The following FBLN7 variants were observed in gnomAD, a reference collection of about 807,000 sequenced individuals.
FBLN7 encodes the protein fibulin 7.
FBLN7 carries 31 observed loss-of-function variants against 44.0 expected under a neutral mutation model. That is an observed-to-expected ratio of 0.70 (90% CI 0.53 to 0.95). FBLN7 has a LOEUF of 0.95. Among genes scored for constraint, FBLN7 ranks in the 40% least tolerant of loss-of-function variants. FBLN7 has a pLI of 0.00. For synonymous variants in FBLN7, 262 were observed against 253.4 expected (o/e 1.03, Z -0.32); for missense variants, 573 against 618.5 (o/e 0.93, Z 0.78).
Position 112,182,861 on chromosome 2 carries a change from C to T in FBLN7, c.741C>T (p.Thr247=). Reference sequence around the variant, plus strand: ...TCTGCATGCACGCCTGCGTGAACACCCCGGGCTCTTACCGTTGCACCTGCC... The same window carrying T: ...TCTGCATGCACGCCTGCGTGAACACTCCGGGCTCTTACCGTTGCACCTGCC... ...PRLCMHACVN[T]PGSYRCTCPG... The change falls in exon 6 of 8, where the codon ACC becomes ACT. Residue 247 remains threonine, a synonymous_variant. Coordinates refer to ENST00000331203, the MANE Select transcript of FBLN7 (RefSeq NM_153214.3). 6.2e-7 allele frequency: 1 copy of T among 1,613,112 alleles called. No individual in the cohort carries two copies. The highest frequency in any genetic ancestry group is 8.5e-7 in the Non-Finnish European group (1 of 1,179,868).
At chr2:112,170,900 A>C (rs1682424037) in intron 3 of FBLN7, among the ~76,000 whole-genome samples, 1 of 152,228 alleles carries the variant, frequency 6.6e-6, no homozygotes, top group African/African-American at 2.4e-5. Flanking sequence ...TAGAGACAGA[A>C]CTGATGGAAT....
the FBLN7 span, among the ~76,000 whole-genome samples, chr2:112,195,981 A>C: frequency 2.0e-5 from 3 of 152,204 alleles, no homozygotes; most frequent in Admixed American, 1.3e-4. Flanking sequence ...GTGGTGGCTC[A>C]GAAATGGTGC....
intron 1 of FBLN7, among the ~76,000 whole-genome samples, chr2:112,150,956 C>T (rs926699048): frequency 2.6e-5 from 4 of 152,148 alleles, no homozygotes; most frequent in African/African-American, 4.8e-5. Context: ...AGGGTGGCCA[C>T]GAGCTACTCC....
the FBLN7 span, among the ~76,000 whole-genome samples, chr2:112,225,405 G>T: frequency 3.3e-5 from 5 of 152,196 alleles, no homozygotes; most frequent in African/African-American, 9.6e-5. Flanking sequence ...TTGAGCCCAG[G>T]AGTTCAAGGC....
At chr2:112,148,768 G>C (rs1681004219) in intron 1 of FBLN7, among the ~76,000 whole-genome samples, 1 of 152,226 alleles carries the variant, frequency 6.6e-6, no homozygotes, top group African/African-American at 2.4e-5. Flanking sequence ...TGGTGGTTGT[G>C]GTGGTGGTGA....
chr2:112,161,290 TC>T (rs1271406853), intron 2 of FBLN7, among the ~76,000 whole-genome samples: 1 of 152,172 alleles, frequency 6.6e-6, no homozygotes, highest in African/African-American at 2.4e-5. Flanking sequence ...AGTTGAAGTT[TC>T]CTGGGGAAGG....
intron 3 of FBLN7, among the ~76,000 whole-genome samples, 172 bp downstream of exon 3, chr2:112,165,343 G>C (rs1378596497): frequency 6.6e-6 from 1 of 152,180 alleles, no homozygotes; most frequent in Admixed American, 6.5e-5. Flanking sequence ...CCAGGTTGGC[G>C]CTGGTCTCTA....
chr2:112,170,929 G>C (rs557310232), intron 3 of FBLN7, among the ~76,000 whole-genome samples: 5 of 152,306 alleles, frequency 3.3e-5, no homozygotes, highest in African/African-American at 1.2e-4. Flanking sequence ...ATCCCATGTG[G>C]GCTGTGAGCC....
At chr2:112,166,363 T>G (rs778803644) in intron 3 of FBLN7, among the ~76,000 whole-genome samples, 2 of 152,240 alleles carry the variant, frequency 1.3e-5, no homozygotes, top group Non-Finnish European at 2.9e-5. Context: ...GAGAGGACTT[T>G]GGATGCTTAA....
chr2:112,185,128 C>T (rs902712068), intron 6 of FBLN7, 73 bp from the exon 7 acceptor site: 3 of 1,556,416 alleles, frequency 1.9e-6, no homozygotes, highest in Non-Finnish European at 2.6e-6. Context: ...CCTGCAGGGC[C>T]TCTCATGTGG....
the FBLN7 span, among the ~76,000 whole-genome samples, chr2:112,228,523 G>C: frequency 2.0e-5 from 3 of 150,944 alleles, no homozygotes; most frequent in African/African-American, 7.3e-5. Flanking sequence ...AAAAGTGCTG[G>C]GACAATTGGA....
At chr2:112,160,764 GCA>G (rs201436603) in intron 2 of FBLN7, among the ~76,000 whole-genome samples, 3,442 of 38,110 alleles carry the variant, frequency 0.09, 141 homozygotes, top group African/African-American at 0.27. Flanking sequence ...ACACACGCAC[GCA>G]CACGCAGACG....
Position 112,160,692 on chromosome 2 carries a change from GCACACACGCACGCA to G in FBLN7, c.235+865_235+878del, listed in dbSNP as rs1252086046. 2.0e-4 allele frequency among the ~76,000 whole-genome samples: 24 copies of G among 117,362 alleles called. 1 individual carries two copies. Among genetic ancestry groups the G allele is most frequent in the South Asian group, 1.6e-3 (6 of 3,846 alleles). The allele number at this position is 117,362 out of a possible 152,430, so 77.0% of individuals were successfully genotyped here. A position where few individuals can be genotyped will look rare whatever the true frequency, so the allele number is the denominator to read the frequency against. On this transcript the variant is annotated intron_variant, in intron 2 of 7. Coordinates refer to ENST00000331203, the MANE Select transcript of FBLN7 (RefSeq NM_153214.3). ...CACGCACACGCAGACGCACGCACAC[GCACACACGCACGCA>G]CACACACAAGCACGCGCACACGCAC...
chr2:112,222,237 T>A, the FBLN7 span, among the ~76,000 whole-genome samples: 1 of 152,192 alleles, frequency 6.6e-6, no homozygotes. Context: ...AGATAGGTTG[T>A]ATCCTTGCTA....
chr2:112,172,623 CTTTCT>C (rs1682523891), intron 3 of FBLN7, among the ~76,000 whole-genome samples: 2 of 130,000 alleles, frequency 1.5e-5, no homozygotes, highest in Non-Finnish European at 3.3e-5. Context: ...TTTTCTTTTT[CTTTCT>C]TTTTTTTTTT....
In FBLN7 at chr2:112,187,106, C is replaced by CT; in HGVS notation, c.948-27dup. 6.2e-7 allele frequency: 1 copy of CT among 1,607,752 alleles called. No homozygotes were observed. Among genetic ancestry groups the CT allele is most frequent in the Non-Finnish European group, 8.5e-7 (1 of 1,176,248 alleles). On this transcript the variant is annotated intron_variant, in intron 7 of 7. Coordinates refer to ENST00000331203, the MANE Select transcript of FBLN7 (RefSeq NM_153214.3). This position sits in a 1 kb window ranked among gnomAD's most constrained non-coding sequence, Gnocchi z 5.1. ...TCTTCATGAGACTCCCCAAGGCTGA[C>CT]TGCCTCCATTTTGCCTCTCCGCTCC...
the FBLN7 span, among the ~76,000 whole-genome samples, chr2:112,244,028 TA>T: frequency 6.6e-6 from 1 of 151,194 alleles, no homozygotes; most frequent in African/African-American, 2.4e-5. Context: ...AGAAAAAAGA[TA>T]AAAAATAAGA....
chr2:112,160,138 C>G lies in FBLN7; in HGVS notation c.235+303C>G, dbSNP rs569784417. 3.3e-3 allele frequency among the ~76,000 whole-genome samples: 500 copies of G among 152,234 alleles called. 2 individuals carry two copies. Among genetic ancestry groups the G allele is most frequent in the Middle Eastern group, 0.017 (5 of 294 alleles). ...CCCGCGTAGCTGGGACTACAGGCGC[C>G]CGCCACCACGCCCGGCTAATTTTTT... On this transcript the variant is annotated intron_variant, in intron 2 of 7. Transcript: ENST00000331203.
intron 2 of FBLN7, among the ~76,000 whole-genome samples, chr2:112,164,210 A>G (rs187154964): frequency 3.9e-4 from 59 of 152,304 alleles, no homozygotes; most frequent in Admixed American, 3.7e-3. Flanking sequence ...AGTCCCTAAT[A>G]TAGTGCCTGG....
Sources: allele counts gnomAD v4.1 joint callset (sites outside exome capture counted in the v4.1 genomes callset), GRCh38; gene constraint gnomAD v4.1.1; non-coding constraint Gnocchi (gnomAD v3.1); transcripts MANE v1.5; gene names NCBI Gene and HGNC (gene_info 2026-07-23, HGNC 2026-07-21).